PDZD2: variants seen among roughly 807,000 people sequenced by gnomAD.
PDZD2 encodes PDZ domain containing 2, also known as PDZ domain-containing protein 2.
In PDZD2, 90 loss-of-function variants were observed where a neutral mutation model predicts 220.7. The observed-to-expected ratio is 0.41, with a 90% confidence interval of 0.34 to 0.49. The LOEUF is 0.49. PDZD2 is among the 20% of genes least tolerant of loss of function. PDZD2 has a pLI of 0.28. For missense variants in PDZD2, 3,174 were observed against 3,608.5 expected (o/e 0.88, Z 3.08); for synonymous variants, 1,375 against 1,450.5 (o/e 0.95, Z 1.18).
chr5:32,062,738 A>G (rs1229115697), intron 14 of PDZD2, among the ~76,000 whole-genome samples: 1 of 152,046 alleles, frequency 6.6e-6, no homozygotes. Flanking sequence ...TTCATTAACT[A>G]CTCACACAAT....
chr5:32,059,878 C>G (rs933636433), intron 13 of PDZD2, among the ~76,000 whole-genome samples: 1 of 152,170 alleles, frequency 6.6e-6, no homozygotes, highest in Admixed American at 6.5e-5. Flanking sequence ...CACTGAGTGT[C>G]TGATTTCTTA....
intron 2 of PDZD2, among the ~76,000 whole-genome samples, chr5:31,972,029 A>G (rs1343598014): frequency 4.6e-5 from 7 of 152,152 alleles, no homozygotes; most frequent in Non-Finnish European, 4.4e-5. Flanking sequence ...TCTTTATTCA[A>G]TGTATTCTTC....
intron 16 of PDZD2, among the ~76,000 whole-genome samples, chr5:32,071,774 G>A (rs1740774314): frequency 6.6e-6 from 1 of 152,212 alleles, no homozygotes; most frequent in African/African-American, 2.4e-5. Context: ...CAGTGCGTCA[G>A]GGTGCAGGAT....
intron 3 of PDZD2, among the ~76,000 whole-genome samples, chr5:31,994,319 T>G (rs1751467052): frequency 6.6e-6 from 1 of 151,702 alleles, no homozygotes; most frequent in African/African-American, 2.4e-5. Flanking sequence ...GTTTTTTGTT[T>G]TTTTTTTAAA....
chr5:31,641,547 A>T (rs563177147), intron 1 of PDZD2, among the ~76,000 whole-genome samples: 3,355 of 145,324 alleles, frequency 0.023, 121 homozygotes, highest in African/African-American at 0.081. Flanking sequence ...TGTGTGAGAT[A>T]TTTTTTTTTT....
Position 31,823,003 on chromosome 5 carries a change from A to G in PDZD2, c.476+23279A>G, listed in dbSNP as rs1379211231. ...CTTTTTTTTCTTTCCGAGAAGACTG[A>G]GTTCTACGTTGATGTGATTGAAGTC... On this transcript the variant is annotated intron_variant, in intron 2 of 24. Coordinates refer to ENST00000438447, the MANE Select transcript of PDZD2 (RefSeq NM_178140.4). 3 of 1,191,826 alleles carry G rather than the reference A, an allele frequency of 2.5e-6. No individual in the cohort carries two copies. In the African/African-American group the frequency reaches 4.6e-5, roughly 18 times the overall value. 73.8% of individuals were successfully genotyped at this position (1,191,826 alleles called of 1,614,324 possible).
At chr5:31,928,202 A>G (rs1435796032) in intron 2 of PDZD2, among the ~76,000 whole-genome samples, 1 of 152,156 alleles carries the variant, frequency 6.6e-6, no homozygotes, top group Non-Finnish European at 1.5e-5. Flanking sequence ...CCTAAATATT[A>G]AAATATTTCA....
chr5:31,793,699 TTG>T (rs1165317815), intron 1 of PDZD2, among the ~76,000 whole-genome samples: 3 of 152,210 alleles, frequency 2.0e-5, no homozygotes, highest in Non-Finnish European at 2.9e-5. Flanking sequence ...GCGCAGCTAC[TTG>T]GGAGACTGAG....
intron 1 of PDZD2, among the ~76,000 whole-genome samples, chr5:31,684,924 T>A (rs1314758045): frequency 6.6e-6 from 1 of 152,230 alleles, no homozygotes; most frequent in Non-Finnish European, 1.5e-5. Flanking sequence ...CACTTGGCAC[T>A]ATGTAGATGT....
rs1285093272 is a variant in PDZD2 at position 31,944,865 on chromosome 5, G to A, written c.477-38290G>A. ...CACCAGGTGAGCTGTGAGCTGAGCC[G>A]TGCGCAGCAGCTGCTTGCCTGTAGC... is the stretch of plus-strand genomic sequence containing the variant. On this transcript the variant is annotated intron_variant, in intron 2 of 24. Coordinates refer to ENST00000438447, the MANE Select transcript of PDZD2 (RefSeq NM_178140.4). Among the ~76,000 whole-genome samples the A allele has an allele frequency of 3.3e-5, 5 of 152,342 alleles. No individual in the cohort carries two copies. The East Asian group carries it at 9.7e-4, about 29-fold the overall frequency.
At chr5:31,978,714 CAA>C (rs10632600) in intron 2 of PDZD2, among the ~76,000 whole-genome samples, 57,892 of 128,068 alleles carry the variant, frequency 0.45, 13,104 homozygotes, top group East Asian at 0.69. Flanking sequence ...GACTCCATCT[CAA>C]AAAAAAAAAA....
intron 1 of PDZD2, among the ~76,000 whole-genome samples, chr5:31,773,196 T>C (rs988047485): frequency 6.6e-6 from 1 of 152,216 alleles, no homozygotes; most frequent in African/African-American, 2.4e-5. Context: ...GACCATAAAC[T>C]GGTTCCAAAA....
intron 1 of PDZD2, among the ~76,000 whole-genome samples, chr5:31,788,400 T>C (rs1284544772): frequency 6.6e-6 from 1 of 151,490 alleles, no homozygotes; most frequent in African/African-American, 2.4e-5. Context: ...GCACAGTGGC[T>C]CACGCCTGTA....
chr5:31,757,522 G>A (rs968920836), intron 1 of PDZD2, among the ~76,000 whole-genome samples: 2 of 151,988 alleles, frequency 1.3e-5, no homozygotes, highest in Non-Finnish European at 2.9e-5. Context: ...AACCTGAGAG[G>A]CGGAGCTTGC....
chr5:31,888,065 A>G (rs982545332), intron 2 of PDZD2, among the ~76,000 whole-genome samples: 2 of 152,196 alleles, frequency 1.3e-5, no homozygotes, highest in Non-Finnish European at 1.5e-5. Context: ...CATTTACAGC[A>G]GTGGAATTTG....
chr5:31,916,064 G>A (rs902983392), intron 2 of PDZD2, among the ~76,000 whole-genome samples: 3 of 152,300 alleles, frequency 2.0e-5, no homozygotes, highest in Middle Eastern at 3.4e-3. Context: ...AATCTGTAGA[G>A]GGTAAACAAC....
intron 2 of PDZD2, among the ~76,000 whole-genome samples, chr5:31,800,742 C>G (rs1754343541): frequency 6.6e-6 from 1 of 152,112 alleles, no homozygotes; most frequent in Non-Finnish European, 1.5e-5. Context: ...AGGAAAGAGA[C>G]TGGGAAAGAG....
At chr5:31,878,509 C>G (rs1030993139) in intron 2 of PDZD2, among the ~76,000 whole-genome samples, 3 of 148,338 alleles carry the variant, frequency 2.0e-5, no homozygotes, top group East Asian at 2.0e-4. Flanking sequence ...TGGAGAAGAG[C>G]ATGGACACGT....
intron 2 of PDZD2, among the ~76,000 whole-genome samples, chr5:31,894,966 C>G (rs759534391): frequency 2.0e-5 from 3 of 152,074 alleles, no homozygotes; most frequent in African/African-American, 7.2e-5. Flanking sequence ...CTCGGCTCAC[C>G]GCAACCTCCG....
Sources: allele counts gnomAD v4.1 joint callset (sites outside exome capture counted in the v4.1 genomes callset), GRCh38; gene constraint gnomAD v4.1.1; transcripts MANE v1.5; gene names NCBI Gene and HGNC (gene_info 2026-07-23, HGNC 2026-07-21).